GNB1L: variants seen among roughly 807,000 people sequenced by gnomAD.
The protein encoded by GNB1L is guanine nucleotide-binding protein subunit beta-like protein 1.
In GNB1L, 20 loss-of-function variants were observed where a neutral mutation model predicts 29.1. The ratio of observed to expected loss-of-function variants is 0.69; its 90% CI spans 0.48 to 1.00. The LOEUF (loss-of-function observed/expected upper bound fraction) is 1.00, where lower values mean the gene tolerates loss of function less well. Among genes scored for constraint, GNB1L ranks in the 50% least tolerant of loss-of-function variants. GNB1L has a pLI of 0.00. For synonymous variants in GNB1L, 193 were observed against 206.5 expected (o/e 0.93, Z 0.56); for missense variants, 421 against 464.9 (o/e 0.91, Z 0.87).
At chr22:19,854,402 T>C (rs1012057394) in intron 2 of GNB1L, 41 bp downstream of exon 2, 1 of 152,238 alleles carries the variant, frequency 6.6e-6, no homozygotes, top group Non-Finnish European at 1.5e-5. Context: ...ATGCAGGAAA[T>C]ACGAGCTCAC....
At chr22:19,847,587 C>T (rs75127693) in intron 2 of GNB1L, 218,786 of 984,528 alleles carry the variant, frequency 0.22, 24,832 homozygotes, top group Middle Eastern at 0.26. Flanking sequence ...AACCTCCAGT[C>T]CCTGCTCTAA....
rs1481594982 is a variant in GNB1L at position 19,787,743 on chromosome 22, A to G, written c.*966T>C. 6.6e-6 allele frequency: 1 copy of G among 152,278 alleles called. No homozygotes were observed. Among genetic ancestry groups the G allele is most frequent in the Non-Finnish European group, 1.5e-5 (1 of 68,102 alleles). The allele number at this position is 152,278 out of a possible 1,614,324, so 9.4% of individuals were successfully genotyped here. ...GGTCCCAGCTTCTCTGGATCTGCCCATGGGCCCCACTCCAATATTCAGGGT... is the reference window on the plus strand; with the variant it reads ...GGTCCCAGCTTCTCTGGATCTGCCCGTGGGCCCCACTCCAATATTCAGGGT... On this transcript the variant is annotated 3_prime_UTR_variant, in exon 8 of 8. Transcript: ENST00000329517.
chr22:19,850,272 T>C (rs1263825184), intron 2 of GNB1L: 3 of 984,146 alleles, frequency 3.0e-6, no homozygotes, highest in African/African-American at 1.7e-5. Flanking sequence ...GCACCAATTG[T>C]GTACCAGGCC....
chr22:19,812,419 A>G lies in GNB1L; in HGVS notation c.283T>C (p.Trp95Arg), dbSNP rs778849158. 5 of 1,613,326 alleles carry G rather than the reference A, an allele frequency of 3.1e-6. No homozygotes were observed. The highest frequency in any genetic ancestry group is 4.2e-6 in the Non-Finnish European group (5 of 1,179,838). The change falls in exon 5 of 8, where the codon TGG (tryptophan) becomes CGG (arginine). Residue 95 changes from tryptophan (W) to arginine (R), a missense_variant. Coordinates refer to ENST00000329517, the MANE Select transcript of GNB1L (RefSeq NM_053004.3). The part of the protein sequence containing the change: ...SQGRDLKLCL[W>R]DLAEGRSAVV... The stretch of plus-strand genomic sequence containing the variant: ...GCGCTCCTGCCCTCCGCGAGGTCCC[A>G]CAGGCACAGCTTCAGGTCCCGGCCC...
chr22:19,851,653 C>A (rs1201927482), intron 2 of GNB1L: 2 of 1,594,278 alleles, frequency 1.3e-6, no homozygotes, highest in African/African-American at 1.3e-5. Context: ...GGGCCACTGG[C>A]AGCTGGCTGG....
chr22:19,841,307 A>AT (rs1480392563), intron 2 of GNB1L, among the ~76,000 whole-genome samples: 1 of 152,072 alleles, frequency 6.6e-6, no homozygotes, highest in African/African-American at 2.4e-5. Context: ...TTCTTGTGCT[A>AT]TTTTTTCTTG....
intron 2 of GNB1L, chr22:19,846,572 G>A (rs1397738040): frequency 6.1e-6 from 6 of 984,994 alleles, no homozygotes; most frequent in East Asian, 2.3e-4. Context: ...CGCGGGCACC[G>A]CTGTGGGCAG....
chr22:19,835,082 C>T (rs1937740415), intron 2 of GNB1L, among the ~76,000 whole-genome samples: 1 of 152,082 alleles, frequency 6.6e-6, no homozygotes, highest in Admixed American at 6.6e-5. Context: ...GTTGTAAATA[C>T]TGAGCTAATA....
At chr22:19,848,381 C>T in intron 2 of GNB1L, 3 of 985,448 alleles carry the variant, frequency 3.0e-6, no homozygotes, top group Non-Finnish European at 3.6e-6. Flanking sequence ...AAGAGAAAAA[C>T]AACCCAGGGG....
chr22:19,788,877 G>T lies in GNB1L; in HGVS notation c.816C>A (p.Gly272=). The T allele has an allele frequency of 6.2e-7, 1 of 1,612,918 alleles. No homozygotes were observed. Among genetic ancestry groups the T allele is most frequent in the Non-Finnish European group, 8.5e-7 (1 of 1,179,944 alleles). ...RPDRKILATA[G]WDHRIRVFHW... ...GGAACACGCGGATGCGGTGGTCCCA[G>T]CCTGCGGTGGCCAGGATCTTGCGAT... The change falls in exon 8 of 8, where the codon GGC becomes GGA. Residue 272 remains glycine (G), a synonymous_variant. Coordinates refer to ENST00000329517, the MANE Select transcript of GNB1L (RefSeq NM_053004.3).
At chr22:19,811,140 G>A (rs1937495614) in intron 5 of GNB1L, among the ~76,000 whole-genome samples, 2 of 152,218 alleles carry the variant, frequency 1.3e-5, no homozygotes, top group South Asian at 2.1e-4. Flanking sequence ...GGCAAGAAAA[G>A]TGTATGTAGC....
intron 7 of GNB1L, among the ~76,000 whole-genome samples, chr22:19,790,258 G>A (rs1053762518): frequency 6.6e-6 from 1 of 152,138 alleles, no homozygotes; most frequent in Admixed American, 6.5e-5. Flanking sequence ...GGGGATTACG[G>A]CTATGGAACC....
intron 2 of GNB1L, among the ~76,000 whole-genome samples, chr22:19,833,679 C>CA (rs1321140140): frequency 6.6e-6 from 1 of 151,940 alleles, no homozygotes; most frequent in Non-Finnish European, 1.5e-5. Context: ...GCCTGGCCAA[C>CA]ATGGTGAAAC....
chr22:19,806,598 A>G lies in GNB1L; in HGVS notation c.516+61T>C, dbSNP rs1937437505. 4 of 1,017,804 alleles carry G rather than the reference A, an allele frequency of 3.9e-6. No individual in the cohort carries two copies. In the African/African-American group the frequency reaches 6.3e-5, roughly 16 times the overall value. The allele number at this position is 1,017,804 out of a possible 1,614,324, so 63.0% of individuals were successfully genotyped here. A position where few individuals can be genotyped will look rare whatever the true frequency, so the allele number is the denominator to read the frequency against. On this transcript the variant is annotated intron_variant, in intron 6 of 7. Coordinates refer to ENST00000329517, the MANE Select transcript of GNB1L (RefSeq NM_053004.3). The stretch of plus-strand genomic sequence containing the variant: ...CGACGATAAATCAGATCCTGAATGG[A>G]GCATGACTCATGGCCGTGGGTGTGG...
At chr22:19,853,872 C>T (rs2145909499) in intron 2 of GNB1L, among the ~76,000 whole-genome samples, 1 of 152,356 alleles carries the variant, frequency 6.6e-6, no homozygotes, top group African/African-American at 2.4e-5. Flanking sequence ...CCAGCTCCCA[C>T]CACCAGCCAA....
At chr22:19,847,827 T>TAAAAAAAAAAAAAAAA (rs1938001225) in intron 2 of GNB1L, 1 of 588,786 alleles carries the variant, frequency 1.7e-6, no homozygotes, top group African/African-American at 4.1e-5. Flanking sequence ...AAAAAAAAAT[T>TAAAAAAAAAAAAAAAA]CACCCATATT....
At chr22:19,839,429 T>C (rs764098832) in intron 2 of GNB1L, among the ~76,000 whole-genome samples, 2 of 152,150 alleles carry the variant, frequency 1.3e-5, no homozygotes, top group Non-Finnish European at 2.9e-5. Context: ...AGTGTACATA[T>C]ATACCTACGG....
At chr22:19,796,443 GAAA>G (rs1937307125) in intron 7 of GNB1L, among the ~76,000 whole-genome samples, 2 of 152,202 alleles carry the variant, frequency 1.3e-5, no homozygotes, top group Admixed American at 1.3e-4. Flanking sequence ...CAATGCTTAT[GAAA>G]ACTGGACGGC....
intron 6 of GNB1L, 52 bp from the exon 7 acceptor site, chr22:19,802,268 A>G (rs766534417): frequency 6.8e-7 from 1 of 1,462,554 alleles, no homozygotes; most frequent in South Asian, 1.1e-5. Context: ...GACTCCAGTG[A>G]GTTTCGGGGG....
Sources: allele counts gnomAD v4.1 joint callset (sites outside exome capture counted in the v4.1 genomes callset), GRCh38; gene constraint gnomAD v4.1.1; transcripts MANE v1.5; gene names NCBI Gene and HGNC (gene_info 2026-07-23, HGNC 2026-07-21).